The following PPP2CA variants were observed in gnomAD, a reference collection of about 807,000 sequenced individuals.
PPP2CA encodes serine/threonine-protein phosphatase 2A catalytic subunit alpha isoform.
Under a neutral mutation model 38.8 loss-of-function variants are expected in PPP2CA, and 5 were observed. The ratio of observed to expected loss-of-function variants is 0.13; its 90% CI spans 0.07 to 0.27. The LOEUF is 0.27. Among genes scored for constraint, PPP2CA ranks in the 10% least tolerant of loss-of-function variants. PPP2CA has a pLI of 1.00. For missense variants in PPP2CA, 88 were observed against 389.7 expected, an observed-to-expected ratio of 0.23 and a Z score of 6.52; for synonymous variants, 152 against 134.0, an observed-to-expected ratio of 1.13 and a Z score of -0.93.
chr5:134,222,613 C>T (rs1293806446), intron 1 of PPP2CA, among the ~76,000 whole-genome samples: 3 of 152,006 alleles, frequency 2.0e-5, no homozygotes, highest in Non-Finnish European at 4.4e-5. Context: ...AAATCATACC[C>T]AAGCTAAAAC....
intron 1 of PPP2CA, 60 bp downstream of exon 1, chr5:134,225,700 C>A: frequency 6.6e-7 from 1 of 1,523,676 alleles, no homozygotes; most frequent in South Asian, 1.1e-5. Context: ...TCCTCACGGC[C>A]GCCTTTTCCT....
intron 2 of PPP2CA, among the ~76,000 whole-genome samples, chr5:134,205,008 C>T (rs1485847195): frequency 6.8e-6 from 1 of 147,800 alleles, no homozygotes; most frequent in African/African-American, 2.5e-5. Flanking sequence ...GATCAAGTCT[C>T]ATTGCAGCCA....
chr5:134,208,361 C>T (rs1244223882), intron 1 of PPP2CA, among the ~76,000 whole-genome samples: 1 of 152,130 alleles, frequency 6.6e-6, no homozygotes, highest in East Asian at 1.9e-4. Flanking sequence ...CTATTTGTTG[C>T]TTTTATTTCA....
intron 1 of PPP2CA, among the ~76,000 whole-genome samples, chr5:134,209,786 A>G (rs1480134233): frequency 6.6e-6 from 1 of 151,866 alleles, no homozygotes; most frequent in Non-Finnish European, 1.5e-5. Flanking sequence ...CAAAAAAAAA[A>G]AGATCATTTT....
intron 5 of PPP2CA, 187 bp from the exon 6 acceptor site, chr5:134,199,391 G>T: frequency 4.8e-5 from 17 of 354,818 alleles, no homozygotes; most frequent in East Asian, 8.5e-5. Flanking sequence ...AGGTACACAT[G>T]TATTTATTTT....
intron 2 of PPP2CA, chr5:134,202,588 C>T (rs578084907): frequency 3.8e-4 from 58 of 152,428 alleles, no homozygotes; most frequent in African/African-American, 1.3e-3. Context: ...CAGTCCTTCA[C>T]TGTATGGCTA....
chr5:134,224,501 A>C, intron 1 of PPP2CA: 1 of 352,008 alleles, frequency 2.8e-6, no homozygotes, highest in Non-Finnish European at 5.5e-6. Context: ...CCAGAAACAA[A>C]TCAGGATAAT....
chr5:134,206,249 A>C, intron 1 of PPP2CA, 118 bp from the exon 2 acceptor site: 1 of 842,392 alleles, frequency 1.2e-6, no homozygotes, highest in South Asian at 1.8e-5. Flanking sequence ...ATAAAATTGC[A>C]GGCATTTATG....
intron 2 of PPP2CA, among the ~76,000 whole-genome samples, chr5:134,202,737 G>A (rs1761994739): frequency 6.6e-6 from 1 of 152,122 alleles, no homozygotes; most frequent in African/African-American, 2.4e-5. Flanking sequence ...TTTCTTTTAG[G>A]AAGATTCCTA....
intron 1 of PPP2CA, among the ~76,000 whole-genome samples, chr5:134,221,871 T>C (rs113707589): frequency 0.042 from 6,339 of 149,442 alleles, 199 homozygotes; most frequent in Non-Finnish European, 0.062. Flanking sequence ...GGGAGACTGA[T>C]GCAGGAGAAC....
intron 1 of PPP2CA, among the ~76,000 whole-genome samples, chr5:134,218,414 C>T (rs1410675440): frequency 6.6e-6 from 1 of 152,180 alleles, no homozygotes; most frequent in African/African-American, 2.4e-5. Flanking sequence ...CCTTAAAGCC[C>T]TATGTCTCAT....
At chr5:134,198,482 T>C (rs1032189467) in intron 6 of PPP2CA, among the ~76,000 whole-genome samples, 22 of 152,242 alleles carry the variant, frequency 1.4e-4, no homozygotes, top group Admixed American at 1.4e-3. Context: ...TATAATAAGT[T>C]CCTGTTGGTG....
At position 134,206,263 on chromosome 5, in the gene PPP2CA, C is replaced by T. The variant is rs558634246; in HGVS notation, c.103-132G>A. The T allele has an allele frequency of 6.7e-5, 49 of 733,514 alleles. No homozygotes were observed. The South Asian group carries it at 9.0e-4, about 13-fold the overall frequency. The allele number at this position is 733,514 out of a possible 1,614,324, so 45.4% of individuals were successfully genotyped here. ...GATAAAATTGCAGGCATTTATGAAC[C>T]CATTAAAATAAGTGAGATATGATTA... On this transcript the variant is annotated intron_variant, in intron 1 of 6. Coordinates refer to ENST00000481195, the MANE Select transcript of PPP2CA (RefSeq NM_002715.4).
In PPP2CA at chr5:134,200,463, C is replaced by G; in HGVS notation, c.610G>C (p.Asp204His). The G allele has an allele frequency of 6.2e-7, 1 of 1,614,118 alleles. No homozygotes were observed. The highest frequency in any genetic ancestry group is 8.5e-7 in the Non-Finnish European group (1 of 1,180,000). ...GATATACCCCAACCACCACGGTCATCTGGATCTGACCACAGCAAGTCACAC... is the reference window on the plus strand; with the variant it reads ...GATATACCCCAACCACCACGGTCATGTGGATCTGACCACAGCAAGTCACAC... ...PMCDLLWSDPDDRGGWGISPR... is the reference protein window; with the variant it reads ...PMCDLLWSDPHDRGGWGISPR... The change falls in exon 5 of 7, where the codon GAT (aspartate) becomes CAT (histidine). Residue 204 changes from aspartate (D) to histidine (H), a missense_variant. Physicochemically the swap from Asp to His is moderately conservative, Grantham distance 81. Transcript: ENST00000481195.
chr5:134,205,359 T>C (rs1580640403), intron 2 of PPP2CA, among the ~76,000 whole-genome samples: 2 of 150,870 alleles, frequency 1.3e-5, no homozygotes, highest in East Asian at 1.9e-4. Context: ...AAATATCTAT[T>C]TGACCAGCCC....
intron 1 of PPP2CA, among the ~76,000 whole-genome samples, chr5:134,219,875 G>A (rs1214593556): frequency 6.6e-6 from 1 of 151,742 alleles, no homozygotes; most frequent in African/African-American, 2.4e-5. Context: ...GCTAGGCATG[G>A]TGGCACATGC....
intron 1 of PPP2CA, among the ~76,000 whole-genome samples, chr5:134,214,356 A>G (rs1416540321): frequency 6.6e-6 from 1 of 152,232 alleles, no homozygotes; most frequent in Non-Finnish European, 1.5e-5. Context: ...TTAAAACTAC[A>G]TAATGCCCTT....
intron 2 of PPP2CA, chr5:134,202,281 C>T: frequency 2.8e-6 from 1 of 354,176 alleles, no homozygotes. Flanking sequence ...CTATTAAAAC[C>T]CCATAAATTA....
intron 1 of PPP2CA, among the ~76,000 whole-genome samples, chr5:134,216,733 G>A (rs1281150870): frequency 1.3e-5 from 2 of 152,028 alleles, no homozygotes; most frequent in Non-Finnish European, 2.9e-5. Context: ...CAAACTCCTA[G>A]TCTCGAGTGA....
Sources: allele counts gnomAD v4.1 joint callset (sites outside exome capture counted in the v4.1 genomes callset), GRCh38; gene constraint gnomAD v4.1.1; transcripts MANE v1.5; gene names NCBI Gene and HGNC (gene_info 2026-07-23, HGNC 2026-07-21).